ZNF804B: variants seen among roughly 807,000 people sequenced by gnomAD.
The protein encoded by ZNF804B is zinc finger protein 804B.
ZNF804B carries 80 observed loss-of-function variants against 101.4 expected under a neutral mutation model. The observed-to-expected ratio is 0.79, with a 90% confidence interval of 0.66 to 0.95. The LOEUF (loss-of-function observed/expected upper bound fraction) is 0.95. ZNF804B is among the 40% of genes least tolerant of loss of function. The pLI, the probability that ZNF804B is intolerant of heterozygous loss-of-function variation, is 0.00. For missense variants in ZNF804B, 1,673 were observed against 1,561.9 expected (o/e 1.07, Z -1.20); for synonymous variants, 622 against 558.8 (o/e 1.11, Z -1.59).
At chr7:89,285,093 C>A (rs569816309) in intron 2 of ZNF804B, among the ~76,000 whole-genome samples, 1 of 151,980 alleles carries the variant, frequency 6.6e-6, no homozygotes, top group East Asian at 1.9e-4. Context: ...GTGGTGCACT[C>A]CTATAGTCCC....
chr7:89,296,933 C>G (rs1446638123), intron 2 of ZNF804B, among the ~76,000 whole-genome samples: 1 of 151,990 alleles, frequency 6.6e-6, no homozygotes, highest in Non-Finnish European at 1.5e-5. Context: ...CTTTTATACT[C>G]ATTTTGTTAA....
intron 1 of ZNF804B, among the ~76,000 whole-genome samples, chr7:89,044,733 T>C (rs1467913555): frequency 6.6e-6 from 1 of 152,154 alleles, no homozygotes; most frequent in Non-Finnish European, 1.5e-5. Context: ...GAACTTCAGT[T>C]AGATGACTTA....
chr7:89,123,618 TATG>T (rs1279982556), intron 1 of ZNF804B, among the ~76,000 whole-genome samples: 1 of 152,126 alleles, frequency 6.6e-6, no homozygotes, highest in African/African-American at 2.4e-5. Flanking sequence ...TTAAAATAAT[TATG>T]ATGATAATGA....
At chr7:89,241,477 G>A (rs1258283797) in intron 2 of ZNF804B, among the ~76,000 whole-genome samples, 1 of 152,056 alleles carries the variant, frequency 6.6e-6, no homozygotes, top group African/African-American at 2.4e-5. Flanking sequence ...TGAAGCTATA[G>A]CTCTCTGATT....
At chr7:88,898,328 C>T (rs1277250870) in intron 1 of ZNF804B, among the ~76,000 whole-genome samples, 1 of 151,998 alleles carries the variant, frequency 6.6e-6, no homozygotes, top group East Asian at 1.9e-4. Context: ...CCTTGTGATC[C>T]ACCCGCCTCG....
At chr7:88,794,501 C>T (rs369839861) in intron 1 of ZNF804B, 52 of 1,613,714 alleles carry the variant, frequency 3.2e-5, no homozygotes, top group Non-Finnish European at 4.1e-5. Flanking sequence ...ATCACTGAAA[C>T]ATGCCATTGC....
chr7:88,845,307 A>G (rs909918292), intron 1 of ZNF804B, among the ~76,000 whole-genome samples: 1 of 152,046 alleles, frequency 6.6e-6, no homozygotes, highest in South Asian at 2.1e-4. Flanking sequence ...GCGCGCACAC[A>G]CACACACACA....
chr7:88,779,561 C>T (rs1009561234), intron 1 of ZNF804B, among the ~76,000 whole-genome samples: 4 of 152,162 alleles, frequency 2.6e-5, no homozygotes, highest in Non-Finnish European at 4.4e-5. Context: ...CAGCCTTTCA[C>T]GTGTTGTCAT....
At chr7:89,072,645 G>A (rs1268109928) in intron 1 of ZNF804B, among the ~76,000 whole-genome samples, 2 of 152,006 alleles carry the variant, frequency 1.3e-5, no homozygotes, top group Non-Finnish European at 2.9e-5. Flanking sequence ...TGAATAAAGG[G>A]CCTCCAAATA....
chr7:88,846,737 A>G (rs1791378375), intron 1 of ZNF804B, among the ~76,000 whole-genome samples: 1 of 152,152 alleles, frequency 6.6e-6, no homozygotes, highest in Non-Finnish European at 1.5e-5. Flanking sequence ...AGACTACCAT[A>G]TATATGTGTG....
At chr7:88,915,967 C>G (rs1792627968) in intron 1 of ZNF804B, among the ~76,000 whole-genome samples, 1 of 151,762 alleles carries the variant, frequency 6.6e-6, no homozygotes, top group African/African-American at 2.4e-5. Flanking sequence ...CAAATGGCTC[C>G]TATAATGTAT....
intron 1 of ZNF804B, among the ~76,000 whole-genome samples, chr7:89,144,625 T>C (rs1233882697): frequency 6.6e-6 from 1 of 151,902 alleles, no homozygotes; most frequent in African/African-American, 2.4e-5. Flanking sequence ...GATTTAGTGA[T>C]CTATTATGCA....
intron 2 of ZNF804B, among the ~76,000 whole-genome samples, chr7:89,220,047 A>ATATATACGCACATATATATGTGCG (rs1562920296): frequency 2.3e-4 from 9 of 38,764 alleles, no homozygotes; most frequent in Non-Finnish European, 4.4e-4. Context: ...ATATATGTGC[A>ATATATACGCACATATATATGTGCG]TATATACATA....
At chr7:88,901,303 A>G (rs1366201427) in intron 1 of ZNF804B, among the ~76,000 whole-genome samples, 1 of 151,892 alleles carries the variant, frequency 6.6e-6, no homozygotes, top group Non-Finnish European at 1.5e-5. Context: ...CTTTAAAAGA[A>G]TTATTTTCCA....
chr7:89,078,218 G>A (rs1789641246), intron 1 of ZNF804B, among the ~76,000 whole-genome samples: 1 of 152,038 alleles, frequency 6.6e-6, no homozygotes, highest in African/African-American at 2.4e-5. Flanking sequence ...GACTTGCTCA[G>A]TAATTTACAA....
rs1221181691 is a variant in ZNF804B, at chr7:88,846,857, ATATT to A, written c.108+86774_108+86777del. Among the ~76,000 whole-genome samples, 3 of 151,820 alleles carry A rather than the reference ATATT, an allele frequency of 2.0e-5. No homozygotes were observed. The East Asian group carries it at 5.8e-4, about 29-fold the overall frequency. Reference sequence around the variant, plus strand: ...TATATATATGTTGTTGTATATGTATATATTAGTGTATATATACACATAAATATAC... The same window carrying A: ...TATATATATGTTGTTGTATATGTATAAGTGTATATATACACATAAATATAC... On this transcript the variant is annotated intron_variant, in intron 1 of 3. Coordinates refer to ENST00000333190, the MANE Select transcript of ZNF804B (RefSeq NM_181646.5).
intron 2 of ZNF804B, among the ~76,000 whole-genome samples, chr7:89,247,475 G>A (rs143002595): frequency 2.8e-4 from 43 of 152,166 alleles, no homozygotes; most frequent in African/African-American, 9.9e-4. Flanking sequence ...TGACAGAAGC[G>A]CATAAGGCTA....
intron 2 of ZNF804B, among the ~76,000 whole-genome samples, chr7:89,287,702 G>A (rs2115888434): frequency 6.6e-6 from 1 of 152,206 alleles, no homozygotes; most frequent in Non-Finnish European, 1.5e-5. Flanking sequence ...CTAGGAGGCT[G>A]AGAAATGAGT....
At chr7:89,090,138 T>C (rs1177320334) in intron 1 of ZNF804B, among the ~76,000 whole-genome samples, 3 of 152,054 alleles carry the variant, frequency 2.0e-5, no homozygotes, top group Non-Finnish European at 4.4e-5. Context: ...TAATTAATAA[T>C]AGATAACATT....
Sources: gnomAD v4.1 joint callset for allele counts (sites outside exome capture counted in the v4.1 genomes callset) on GRCh38, gnomAD v4.1.1 for gene constraint, MANE v1.5 for transcripts, NCBI Gene and HGNC (gene_info 2026-07-23, HGNC 2026-07-21) for gene names.